ELF1: variants seen among roughly 807,000 people sequenced by gnomAD.
ELF1 encodes the protein E74 like ETS transcription factor 1, also known as ETS-related transcription factor Elf-1.
A neutral mutation model predicts 59.9 loss-of-function variants in ELF1; 24 were observed. The observed-to-expected ratio is 0.40, with a 90% CI of 0.29 to 0.56. ELF1 has a LOEUF of 0.56. Among genes scored for constraint, ELF1 ranks in the 20% least tolerant of loss-of-function variants. The probability of loss-of-function intolerance (pLI) is 0.44; values close to 1 mark genes in which losing one functional copy is unlikely to be tolerated. For synonymous variants in ELF1, 248 were observed against 266.2 expected, an observed-to-expected ratio of 0.93 and a Z score of 0.67; for missense variants, 627 against 742.2, an observed-to-expected ratio of 0.84 and a Z score of 1.80.
intron 1 of ELF1, among the ~76,000 whole-genome samples, chr13:41,005,228 A>C (rs1317698798): frequency 6.6e-6 from 1 of 152,144 alleles, no homozygotes; most frequent in African/African-American, 2.4e-5. Flanking sequence ...TTGGGATCTA[A>C]GATTCAATAT....
At chr13:41,027,247 T>TG (rs1875977783) in intron 1 of ELF1, among the ~76,000 whole-genome samples, 1 of 152,218 alleles carries the variant, frequency 6.6e-6, no homozygotes, top group African/African-American at 2.4e-5. Flanking sequence ...CTCTCCTAAC[T>TG]GGGCAAAGGA....
At position 40,968,740 on chromosome 13, in the gene ELF1, G is replaced by A. The variant is rs1177657926; in HGVS notation, c.73-9724C>T. On this transcript the variant is annotated intron_variant, in intron 2 of 8. Transcript: ENST00000239882. The stretch of plus-strand genomic sequence containing the variant: ...TATATTCTTTTTTTTTTTTTTTTTA[G>A]ACAGGGTCTTGCTCCGTTGCCCAGG... Among the ~76,000 whole-genome samples, 69 of 134,938 alleles carry A rather than the reference G, an allele frequency of 5.1e-4. 2 individuals carry two copies. In the East Asian group the frequency reaches 0.014, roughly 28 times the overall value. 88.5% of individuals were successfully genotyped at this position (134,938 alleles called of 152,430 possible). A position where few individuals can be genotyped will look rare whatever the true frequency, so the allele number is the denominator to read the frequency against.
At chr13:40,962,095 C>G (rs1346233657) in intron 2 of ELF1, among the ~76,000 whole-genome samples, 1 of 152,202 alleles carries the variant, frequency 6.6e-6, no homozygotes, top group Non-Finnish European at 1.5e-5. Flanking sequence ...AGTAGTTACT[C>G]TATTCTCCAG....
intron 3 of ELF1, among the ~76,000 whole-genome samples, chr13:40,955,899 C>A (rs1461636109): frequency 9.5e-6 from 1 of 104,898 alleles, no homozygotes; most frequent in Non-Finnish European, 1.9e-5. Context: ...AGGAGGGAGG[C>A]GGGGAGGTCA....
At chr13:40,982,503 T>A (rs1346088098) in intron 1 of ELF1, among the ~76,000 whole-genome samples, 9 of 149,294 alleles carry the variant, frequency 6.0e-5, no homozygotes, top group Non-Finnish European at 1.5e-5. Context: ...AAATTATGCC[T>A]CTCTCCCCCA....
At chr13:40,974,968 T>A (rs1421332269) in intron 2 of ELF1, among the ~76,000 whole-genome samples, 1 of 152,206 alleles carries the variant, frequency 6.6e-6, no homozygotes, top group African/African-American at 2.4e-5. Flanking sequence ...GATAAAGACT[T>A]TTCCAAGTGT....
chr13:40,942,778 T>C (rs1593350768), intron 7 of ELF1, among the ~76,000 whole-genome samples, 174 bp downstream of exon 7: 2 of 152,162 alleles, frequency 1.3e-5, no homozygotes, highest in East Asian at 3.9e-4. Flanking sequence ...GGCCTCAGCC[T>C]CCCAAAGTGT....
intron 5 of ELF1, 46 bp from the exon 6 acceptor site, chr13:40,943,971 G>A: frequency 2.6e-6 from 4 of 1,567,018 alleles, no homozygotes; most frequent in South Asian, 1.1e-5. Context: ...TCAAAAGTGA[G>A]AGAAAATGGA....
At chr13:40,955,350 G>A in intron 3 of ELF1, among the ~76,000 whole-genome samples, 1 of 145,020 alleles carries the variant, frequency 6.9e-6, no homozygotes, top group African/African-American at 2.6e-5. Context: ...CACCCGGCCA[G>A]CCGCCCCATC....
At chr13:41,050,187 G>A (rs1386002833) in intron 1 of ELF1, among the ~76,000 whole-genome samples, 1 of 151,810 alleles carries the variant, frequency 6.6e-6, no homozygotes, top group African/African-American at 2.4e-5. Context: ...CTTACCCCCA[G>A]TTCCTGGCAA....
At chr13:40,962,031 T>C (rs1871854987) in intron 2 of ELF1, among the ~76,000 whole-genome samples, 2 of 152,244 alleles carry the variant, frequency 1.3e-5, no homozygotes, top group African/African-American at 4.8e-5. Flanking sequence ...TCTTGAGTTT[T>C]GGTTAACCAC....
chr13:41,019,144 T>C (rs760061090), intron 1 of ELF1, 84 bp downstream of exon 1: 16 of 959,750 alleles, frequency 1.7e-5, no homozygotes, highest in Non-Finnish European at 1.7e-5. Flanking sequence ...CATTCAGCCA[T>C]GTTCTTCAAC....
upstream of ELF1, among the ~76,000 whole-genome samples, chr13:41,020,225 A>C (rs571993227): frequency 6.6e-6 from 1 of 152,332 alleles, no homozygotes; most frequent in African/African-American, 2.4e-5. Context: ...TGCCCAAGCC[A>C]CTGAAATATT....
chr13:40,988,940 G>A (rs1311125342), intron 1 of ELF1, among the ~76,000 whole-genome samples: 1 of 152,102 alleles, frequency 6.6e-6, no homozygotes, highest in Non-Finnish European at 1.5e-5. Flanking sequence ...TGGGACTACA[G>A]GTGTGCACCA....
chr13:40,970,552 G>A (rs1872472056), intron 2 of ELF1, among the ~76,000 whole-genome samples: 1 of 152,188 alleles, frequency 6.6e-6, no homozygotes, highest in Admixed American at 6.5e-5. Context: ...TCAAGACTAA[G>A]GCAAGTAATG....
At chr13:40,996,321 G>A (rs978846506) in intron 1 of ELF1, among the ~76,000 whole-genome samples, 1 of 152,164 alleles carries the variant, frequency 6.6e-6, no homozygotes, top group Non-Finnish European at 1.5e-5. Context: ...TTTACCCAAA[G>A]GAAGTAAAAA....
intron 3 of ELF1, among the ~76,000 whole-genome samples, chr13:40,953,058 C>A (rs1331116783): frequency 6.7e-6 from 1 of 149,908 alleles, no homozygotes; most frequent in Non-Finnish European, 1.5e-5. Flanking sequence ...CTCACCGCAA[C>A]CTCTGCCTCC....
chr13:40,953,945 T>A (rs1278047644), intron 3 of ELF1, among the ~76,000 whole-genome samples: 3 of 152,100 alleles, frequency 2.0e-5, no homozygotes, highest in Non-Finnish European at 2.9e-5. Flanking sequence ...GAAGAAACAC[T>A]CCTTCCGGAA....
rs1235032329 is a variant in ELF1 at position 40,948,827 on chromosome 13, A to C, written c.529+979T>G. The stretch of plus-strand genomic sequence containing the variant: ...AGTCTTATACTGGAATCACCGGTAC[A>C]GACTGGAGGCTTTCAAACAATAACC... On this transcript the variant is annotated intron_variant, in intron 5 of 8. Coordinates refer to ENST00000239882, the MANE Select transcript of ELF1 (RefSeq NM_172373.4). 5.9e-5 allele frequency among the ~76,000 whole-genome samples: 9 copies of C among 152,232 alleles called. No individual in the cohort carries two copies. The East Asian group carries it at 1.7e-3, about 29-fold the overall frequency.
Sources: gnomAD v4.1 joint callset for allele counts (sites outside exome capture counted in the v4.1 genomes callset) on GRCh38, gnomAD v4.1.1 for gene constraint, MANE v1.5 for transcripts, NCBI Gene and HGNC (gene_info 2026-07-23, HGNC 2026-07-21) for gene names.